Variants in CFAP97 observed in about 807,000 individuals in gnomAD.
CFAP97 encodes cilia and flagella associated protein 97.
Under a neutral mutation model 43.1 loss-of-function variants are expected in CFAP97, and 36 were observed. That is an observed-to-expected ratio of 0.84 (90% CI 0.64 to 1.10). CFAP97 has a LOEUF of 1.10. Among genes scored for constraint, CFAP97 ranks in the 50% least tolerant of loss-of-function variants. CFAP97 has a pLI of 0.00. For synonymous variants in CFAP97, 228 were observed against 225.7 expected (o/e 1.01, Z -0.09); for missense variants, 657 against 620.3 (o/e 1.06, Z -0.63).
upstream of CFAP97, chr4:185,210,173 G>T (rs1008386495): frequency 4.4e-5 from 43 of 984,840 alleles, no homozygotes; most frequent in Middle Eastern, 5.2e-4. This position sits in a 1 kb window ranked among gnomAD's most constrained non-coding sequence, Gnocchi z 4.4. Context: ...CTCGTCTGCC[G>T]GAGCCCGCGC....
Position 185,209,152 on chromosome 4 carries a change from C to T in CFAP97, c.-74+173G>A, listed in dbSNP as rs1030227497. ...CCACCGCACGTGTCTGATTCCTTCC[C>T]TAAGGCGGCAGGGTGGGAAAGGGAA... On this transcript the variant is annotated intron_variant, in intron 1 of 2. Coordinates refer to the CFAP97 transcript ENST00000503223. The surrounding 1 kb of genome is among the most constrained non-coding windows in gnomAD (Gnocchi z 5.2). Among the ~76,000 whole-genome samples the T allele has an allele frequency of 1.3e-5, 2 of 152,326 alleles. No homozygotes were observed. Among genetic ancestry groups the T allele is most frequent in the Admixed American group, 6.5e-5 (1 of 15,306 alleles).
intron 2 of CFAP97, among the ~76,000 whole-genome samples, chr4:185,185,584 G>A (rs1192789042): frequency 6.7e-6 from 1 of 149,082 alleles, no homozygotes; most frequent in Non-Finnish European, 1.5e-5. Flanking sequence ...GGCTGGTAGT[G>A]ATATTAACAA....
rs548281644 is a variant in CFAP97, at chr4:185,164,040, T to C, written c.1460A>G (p.Tyr487Cys). 1.9e-6 allele frequency: 3 copies of C among 1,613,604 alleles called. No individual in the cohort carries two copies. The African/African-American group carries it at 4.0e-5, about 21-fold the overall frequency. Residue 487 changes from tyrosine (Y) to cysteine (C), a missense_variant, in exon 4 of 5, where the codon TAT (tyrosine) becomes TGT (cysteine). Transcript: ENST00000458385. ...TCCAAAATGCTTACTTAATGGGCTA[T>C]ATTGGCCAAGAGTGGATCTGGCCCG... ...SRRARSTLGQ[Y>C]SPLRASRTSS...
intron 2 of CFAP97, among the ~76,000 whole-genome samples, chr4:185,189,036 G>A (rs1190503649): frequency 6.6e-6 from 1 of 152,066 alleles, no homozygotes; most frequent in Non-Finnish European, 1.5e-5. Flanking sequence ...CCAGGAGTTC[G>A]ACGCAGCCCG....
upstream of CFAP97, chr4:185,209,706 G>C (rs953150647): frequency 2.0e-6 from 2 of 981,902 alleles, no homozygotes; most frequent in African/African-American, 3.5e-5. The surrounding 1 kb of genome is among the most constrained non-coding windows in gnomAD (Gnocchi z 5.2). Context: ...GGCGTCTGCG[G>C]GGGCCGCTCC....
At chr4:185,197,936 G>A (rs1047149176) in intron 1 of CFAP97, among the ~76,000 whole-genome samples, 2 of 152,100 alleles carry the variant, frequency 1.3e-5, no homozygotes, top group Non-Finnish European at 1.5e-5. Flanking sequence ...CTACTTCAGC[G>A]AACATGGGAA....
At chr4:185,185,570 AT>A (rs1735973378) in intron 2 of CFAP97, among the ~76,000 whole-genome samples, 1 of 150,202 alleles carries the variant, frequency 6.7e-6, no homozygotes, top group Non-Finnish European at 1.5e-5. Context: ...GAGCTTTCTG[AT>A]GAGGCTGGTA....
At chr4:185,188,008 T>C (rs894548134) in intron 2 of CFAP97, among the ~76,000 whole-genome samples, 27 of 152,058 alleles carry the variant, frequency 1.8e-4, no homozygotes, top group Non-Finnish European at 2.9e-5. Context: ...GCAATTCTCC[T>C]GCCTCAGCCT....
chr4:185,168,251 C>T (rs1445578038), intron 3 of CFAP97, among the ~76,000 whole-genome samples: 2 of 151,164 alleles, frequency 1.3e-5, no homozygotes, highest in South Asian at 2.1e-4. Context: ...TTAGAACTGC[C>T]ACTCAAATCA....
rs1019933367 is a variant in CFAP97 at position 185,160,898 on chromosome 4, T to C, written c.*1900A>G. Reference sequence around the variant, plus strand: ...TTTAAAATAAAATTTATAAAAAAGATTTTTTATATATATAAAAAGATTATA... The same window carrying C: ...TTTAAAATAAAATTTATAAAAAAGACTTTTTATATATATAAAAAGATTATA... On this transcript the variant is annotated 3_prime_UTR_variant, in exon 5 of 5. Coordinates refer to ENST00000458385, the MANE Select transcript of CFAP97 (RefSeq NM_020827.3). 1.4e-5 allele frequency: 2 copies of C among 146,546 alleles called. No homozygotes were observed. The highest frequency in any genetic ancestry group is 4.9e-5 in the African/African-American group (2 of 40,460). 9.1% of individuals were successfully genotyped at this position (146,546 alleles called of 1,614,324 possible).
chr4:185,169,030 C>G (rs992970021), intron 3 of CFAP97: 1 of 152,278 alleles, frequency 6.6e-6, no homozygotes, highest in East Asian at 1.9e-4. Flanking sequence ...CATCCATCAT[C>G]TCACAGAGTT....
Position 185,191,093 on chromosome 4 carries a change from T to C in CFAP97, c.104A>G (p.Lys35Arg). The change falls in exon 2 of 5, where the codon AAG becomes AGG. Residue 35 changes from lysine (K) to arginine (R), a missense_variant. Physicochemically the swap from Lys to Arg is conservative, Grantham distance 26. Coordinates refer to ENST00000458385, the MANE Select transcript of CFAP97 (RefSeq NM_020827.3). Reference sequence around the variant, plus strand: ...TCTTTCCTTTGGGTCATCATTTTGCTTGTCAAAAACTGAGTTAGTTTCACA... The same window carrying C: ...TCTTTCCTTTGGGTCATCATTTTGCCTGTCAAAAACTGAGTTAGTTTCACA... ...KKCETNSVFD[K>R]QNDDPKERID... The C allele has an allele frequency of 1.2e-6, 2 of 1,613,014 alleles. No individual in the cohort carries two copies. Among genetic ancestry groups the C allele is most frequent in the Middle Eastern group, 1.7e-4 (1 of 6,058 alleles).
chr4:185,203,583 G>A (rs1023429581), intron 1 of CFAP97, among the ~76,000 whole-genome samples: 2 of 152,048 alleles, frequency 1.3e-5, no homozygotes, highest in East Asian at 1.9e-4. Context: ...GGAAGAAGTC[G>A]TCAGGGCCCG....
rs1735515356 is a variant in CFAP97 at position 185,176,038 on chromosome 4, T to C, written c.1068A>G (p.Leu356=). 4.4e-6 allele frequency: 7 copies of C among 1,580,168 alleles called. No individual in the cohort carries two copies. The highest frequency in any genetic ancestry group is 6.0e-6 in the Non-Finnish European group (7 of 1,164,920). The change falls in exon 3 of 5, where the codon TTA becomes TTG. Residue 356 remains leucine, a synonymous_variant. Transcript: ENST00000458385. ...LNHLLKAFLQ[L]DKKGPQKHHF... is the part of the protein sequence containing the mutation. ...GATGTTTTTGTGGTCCTTTTTTATCTAATTGCAGAAAAGCTACAGAAAAGA... is the reference window on the plus strand; with the variant it reads ...GATGTTTTTGTGGTCCTTTTTTATCCAATTGCAGAAAAGCTACAGAAAAGA...
upstream of CFAP97, among the ~76,000 whole-genome samples, chr4:185,209,670 T>A (rs962900270): frequency 6.6e-6 from 1 of 151,118 alleles, no homozygotes; most frequent in South Asian, 2.1e-4. The surrounding 1 kb of genome is among the most constrained non-coding windows in gnomAD (Gnocchi z 5.2). Context: ...GTGGCGGCGC[T>A]GAGGGGTCGC....
At position 185,191,028 on chromosome 4, in the gene CFAP97, T is replaced by C; in HGVS notation, c.169A>G (p.Met57Val). ...DTKNVNSNTGMQTTENYLTEK... is the reference protein window; with the variant it reads ...DTKNVNSNTGVQTTENYLTEK... ...GTAAGATAATTTTCTGTTGTTTGCA[T>C]TCCAGTGTTCGAATTTACATTTTTT... is the stretch of plus-strand genomic sequence containing the variant. Residue 57 changes from methionine to valine, a missense_variant, in exon 2 of 5, where the codon ATG (methionine) becomes GTG (valine). Transcript: ENST00000458385. 6.2e-7 allele frequency: 1 copy of C among 1,613,490 alleles called. No individual in the cohort carries two copies. Among genetic ancestry groups the C allele is most frequent in the South Asian group, 1.1e-5 (1 of 90,936 alleles).
chr4:185,171,953 T>A (rs193172928), intron 3 of CFAP97, among the ~76,000 whole-genome samples: 1 of 152,292 alleles, frequency 6.6e-6, no homozygotes, highest in East Asian at 1.9e-4. Context: ...TTGCCCATGC[T>A]TGTCTTGAAC....
intron 3 of CFAP97, among the ~76,000 whole-genome samples, chr4:185,167,542 C>A (rs1011844098): frequency 1.3e-5 from 2 of 152,142 alleles, no homozygotes; most frequent in African/African-American, 4.8e-5. Flanking sequence ...GCTATATGGT[C>A]AGAAAGATTT....
At chr4:185,203,784 C>T (rs1737044894) in intron 1 of CFAP97, 114 bp downstream of exon 1, 2 of 143,978 alleles carry the variant, frequency 1.4e-5, no homozygotes, top group Non-Finnish European at 3.1e-5. Context: ...GTTAAACCCA[C>T]CCCGAGTACT....
Sources: allele counts gnomAD v4.1 joint callset (sites outside exome capture counted in the v4.1 genomes callset), GRCh38; gene constraint gnomAD v4.1.1; non-coding constraint Gnocchi (gnomAD v3.1); transcripts MANE v1.5; gene names NCBI Gene and HGNC (gene_info 2026-07-23, HGNC 2026-07-21).